The following CNTNAP2 variants were observed in gnomAD, a reference collection of about 807,000 sequenced individuals.
CNTNAP2 encodes the protein contactin-associated protein-like 2.
Under a neutral mutation model 155.2 loss-of-function variants are expected in CNTNAP2, and 98 were observed. The ratio of observed to expected loss-of-function variants is 0.63; its 90% CI spans 0.54 to 0.75. The LOEUF (loss-of-function observed/expected upper bound fraction) is 0.75. CNTNAP2 is among the 30% of genes least tolerant of loss of function. CNTNAP2 has a pLI of 0.00. For missense variants in CNTNAP2, 1,727 were observed against 1,688.1 expected, an observed-to-expected ratio of 1.02 and a Z score of -0.40; for synonymous variants, 651 against 631.2, an observed-to-expected ratio of 1.03 and a Z score of -0.47.
chr7:146,504,673 C>T (rs1259851273), intron 1 of CNTNAP2, among the ~76,000 whole-genome samples: 1 of 152,186 alleles, frequency 6.6e-6, no homozygotes, highest in Non-Finnish European at 1.5e-5. Context: ...CCAGGGGGCT[C>T]ATCACACTTG....
At chr7:146,462,553 C>G (rs6948888) in intron 1 of CNTNAP2, among the ~76,000 whole-genome samples, 1 of 152,126 alleles carries the variant, frequency 6.6e-6, no homozygotes, top group African/African-American at 2.4e-5. Flanking sequence ...ATTAAAGTAA[C>G]ACTGCTCTTG....
At chr7:147,772,641 T>C (rs1797493600) in intron 13 of CNTNAP2, among the ~76,000 whole-genome samples, 1 of 151,700 alleles carries the variant, frequency 6.6e-6, no homozygotes, top group African/African-American at 2.4e-5. Context: ...AACCTTTACT[T>C]TCAAACATCT....
chr7:146,826,138 C>G (rs931730784), intron 2 of CNTNAP2, among the ~76,000 whole-genome samples: 1 of 151,946 alleles, frequency 6.6e-6, no homozygotes, highest in Non-Finnish European at 1.5e-5. Flanking sequence ...ATTTGCATCC[C>G]TAATTATTTG....
At chr7:147,702,794 CGTG>C (rs1796256321) in intron 13 of CNTNAP2, among the ~76,000 whole-genome samples, 6 of 152,046 alleles carry the variant, frequency 3.9e-5, no homozygotes, top group Admixed American at 6.5e-5. Flanking sequence ...AGAAAGGCCT[CGTG>C]CTGTTGTAAT....
chr7:147,678,024 T>C (rs1795894514), intron 13 of CNTNAP2, among the ~76,000 whole-genome samples: 1 of 151,824 alleles, frequency 6.6e-6, no homozygotes. Context: ...TTAGGGTATA[T>C]AATACAATTA....
At chr7:146,553,787 A>T (rs1013193286) in intron 1 of CNTNAP2, among the ~76,000 whole-genome samples, 2 of 152,152 alleles carry the variant, frequency 1.3e-5, no homozygotes, top group Admixed American at 1.3e-4. Flanking sequence ...TAAAAAAAAA[A>T]TACATTCATA....
At chr7:146,143,532 C>T (rs914108175) in intron 1 of CNTNAP2, among the ~76,000 whole-genome samples, 1 of 151,972 alleles carries the variant, frequency 6.6e-6, no homozygotes, top group Admixed American at 6.6e-5. Flanking sequence ...ATGACATAAC[C>T]TCCAGAAGTA....
At chr7:146,810,934 C>T (rs888617706) in intron 2 of CNTNAP2, among the ~76,000 whole-genome samples, 1 of 152,110 alleles carries the variant, frequency 6.6e-6, no homozygotes, top group Admixed American at 6.6e-5. Context: ...TAGTATATCA[C>T]ACTTTCTGTT....
intron 12 of CNTNAP2, among the ~76,000 whole-genome samples, chr7:147,579,472 T>C (rs1156544783): frequency 6.6e-6 from 1 of 152,166 alleles, no homozygotes; most frequent in Non-Finnish European, 1.5e-5. Flanking sequence ...ATGCCAGTGA[T>C]ACAGTTGTTG....
At chr7:146,139,865 C>A (rs950320945) in intron 1 of CNTNAP2, among the ~76,000 whole-genome samples, 2 of 152,104 alleles carry the variant, frequency 1.3e-5, no homozygotes, top group East Asian at 1.9e-4. Flanking sequence ...AAGTACATAG[C>A]ACAGTGAATA....
At chr7:146,648,923 T>C (rs1406302880) in intron 1 of CNTNAP2, among the ~76,000 whole-genome samples, 2 of 152,118 alleles carry the variant, frequency 1.3e-5, no homozygotes, top group Non-Finnish European at 2.9e-5. Context: ...TTTAATCATA[T>C]TAAATCTAAT....
chr7:146,381,109 A>G (rs1795380875), intron 1 of CNTNAP2, among the ~76,000 whole-genome samples: 1 of 151,782 alleles, frequency 6.6e-6, no homozygotes, highest in Non-Finnish European at 1.5e-5. Context: ...GCACGTTCTT[A>G]TATACTCACC....
At chr7:146,606,202 C>G (rs1464494947) in intron 1 of CNTNAP2, among the ~76,000 whole-genome samples, 1 of 152,016 alleles carries the variant, frequency 6.6e-6, no homozygotes. Flanking sequence ...AGTGTGATAT[C>G]AGAATAATTA....
intron 3 of CNTNAP2, among the ~76,000 whole-genome samples, chr7:147,031,868 A>G (rs1799040218): frequency 6.6e-6 from 1 of 152,240 alleles, no homozygotes. Context: ...CTGTGAGTTG[A>G]GACCATGCCA....
chr7:146,176,800 T>C (rs147247710), intron 1 of CNTNAP2, among the ~76,000 whole-genome samples: 1 of 152,278 alleles, frequency 6.6e-6, no homozygotes, highest in East Asian at 1.9e-4. Flanking sequence ...TTAAGTAAAT[T>C]GGATTTAAAA....
At chr7:147,182,172 A>G (rs1802474068) in intron 8 of CNTNAP2, among the ~76,000 whole-genome samples, 1 of 151,702 alleles carries the variant, frequency 6.6e-6, no homozygotes, top group East Asian at 1.9e-4. Flanking sequence ...ATTAAACAAG[A>G]GAAATAAAAA....
At chr7:146,620,409 T>G (rs1799298194) in intron 1 of CNTNAP2, among the ~76,000 whole-genome samples, 1 of 152,158 alleles carries the variant, frequency 6.6e-6, no homozygotes, top group African/African-American at 2.4e-5. Context: ...CTCTTTCACC[T>G]CTCTTCCCAT....
In CNTNAP2 at chr7:148,383,862, C is replaced by T. The variant is rs759652826; in HGVS notation, c.3689C>T (p.Pro1230Leu). 13 of 1,613,910 alleles carry T rather than the reference C, an allele frequency of 8.1e-6. No individual in the cohort carries two copies. The highest frequency in any genetic ancestry group is 6.7e-5 in the Admixed American group (4 of 60,022). The change falls in exon 22 of 24, where the codon CCC (proline) becomes CTC (leucine). Residue 1230 changes from proline to leucine, a missense_variant. Coordinates refer to ENST00000361727, the MANE Select transcript of CNTNAP2 (RefSeq NM_014141.6). ...TLSPMSSATDPWHLDHLDSAS... is the reference protein window; with the variant it reads ...TLSPMSSATDLWHLDHLDSAS... ...TCCCCCATGTCGTCCGCCACCGACCCCTGGCACCTGGATCACCTGGATTCA... is the reference window on the plus strand; with the variant it reads ...TCCCCCATGTCGTCCGCCACCGACCTCTGGCACCTGGATCACCTGGATTCA...
At chr7:146,591,891 C>A (rs1798788921) in intron 1 of CNTNAP2, among the ~76,000 whole-genome samples, 1 of 152,144 alleles carries the variant, frequency 6.6e-6, no homozygotes, top group Admixed American at 6.6e-5. Flanking sequence ...CTTAACCTGC[C>A]TCAAATTAAA....
Sources: allele counts gnomAD v4.1 joint callset (sites outside exome capture counted in the v4.1 genomes callset), GRCh38; gene constraint gnomAD v4.1.1; transcripts MANE v1.5; gene names NCBI Gene and HGNC (gene_info 2026-07-23, HGNC 2026-07-21).